Variants in CFAP221 observed in about 807,000 individuals in gnomAD.
The protein encoded by CFAP221 is cilia and flagella associated protein 221, also known as cilia- and flagella-associated protein 221.
CFAP221 carries 97 observed loss-of-function variants against 113.1 expected under a neutral mutation model. That is an observed-to-expected ratio of 0.86 (90% CI 0.73 to 1.02). The LOEUF is 1.02. Ranked by LOEUF, CFAP221 falls within the 50% of genes least tolerant of loss-of-function variation. The pLI is 0.00. For synonymous variants in CFAP221, 331 were observed against 354.4 expected, an observed-to-expected ratio of 0.93 and a Z score of 0.74; for missense variants, 1,025 against 1,013.4, an observed-to-expected ratio of 1.01 and a Z score of -0.16.
chr2:119,656,862 T>C (rs1013675095), downstream of CFAP221, among the ~76,000 whole-genome samples: 1 of 152,054 alleles, frequency 6.6e-6, no homozygotes, highest in East Asian at 1.9e-4. Flanking sequence ...CATCACTAGA[T>C]TTGGCTTTGG....
In CFAP221 at chr2:119,644,819, A is replaced by G. The variant is rs1254121657; in HGVS notation, c.2226-2139A>G. On this transcript the variant is annotated intron_variant, in intron 21 of 23. Coordinates refer to ENST00000413369, the MANE Select transcript of CFAP221 (RefSeq NM_001271049.2). Reference sequence around the variant, plus strand: ...AGTTCCAGTCCATATCCATAGAGTTATTGCTTGCTTTCCACCATTCCATAT... The same window carrying G: ...AGTTCCAGTCCATATCCATAGAGTTGTTGCTTGCTTTCCACCATTCCATAT... Among the ~76,000 whole-genome samples the G allele has an allele frequency of 3.3e-5, 5 of 152,296 alleles. No homozygotes were observed. The East Asian group carries it at 9.7e-4, about 29-fold the overall frequency.
At chr2:119,639,897 C>A in intron 21 of CFAP221, 25 bp downstream of exon 21, 1 of 1,588,732 alleles carries the variant, frequency 6.3e-7, no homozygotes, top group South Asian at 1.1e-5. Flanking sequence ...TCTGTTTGCT[C>A]ACGAGTATGT....
In CFAP221 at chr2:119,629,987, G is replaced by A. The variant is rs753379509; in HGVS notation, c.1731+32G>A. On this transcript the variant is annotated intron_variant, in intron 17 of 23. Transcript: ENST00000413369. ...CCTGTCACATAAATTAATTAATTGA[G>A]TTTCTTATTAAGTAAACAAAATATT... is the stretch of plus-strand genomic sequence containing the variant. The A allele has an allele frequency of 3.3e-6, 5 of 1,525,750 alleles. No homozygotes were observed. In the East Asian group the frequency reaches 6.8e-5, roughly 21 times the overall value. 94.5% of individuals were successfully genotyped at this position (1,525,750 alleles called of 1,614,324 possible).
At chr2:119,594,873 G>A (rs1329037660) in intron 7 of CFAP221, among the ~76,000 whole-genome samples, 1 of 152,220 alleles carries the variant, frequency 6.6e-6, no homozygotes, top group Non-Finnish European at 1.5e-5. Flanking sequence ...TGTTATGTAG[G>A]TTGCATGAGG....
chr2:119,561,230 C>T (rs1190568258), intron 5 of CFAP221, among the ~76,000 whole-genome samples: 4 of 151,882 alleles, frequency 2.6e-5, no homozygotes, highest in Non-Finnish European at 4.4e-5. Flanking sequence ...GTGGAGGTTG[C>T]GGTGAGCCAA....
In CFAP221 at chr2:119,572,578, G is replaced by GA. The variant is rs1345195678; in HGVS notation, c.527+10467dup. ...TCTTCCTGGTACCAGATAACTAGTTGAAACTTGGAGCAGGTCCAGTTGGTT... is the reference window on the plus strand; with the variant it reads ...TCTTCCTGGTACCAGATAACTAGTTGAAAACTTGGAGCAGGTCCAGTTGGTT... On this transcript the variant is annotated intron_variant, in intron 6 of 23. Coordinates refer to ENST00000413369, the MANE Select transcript of CFAP221 (RefSeq NM_001271049.2). 1.6e-5 allele frequency: 11 copies of GA among 701,008 alleles called. No individual in the cohort carries two copies. The Admixed American group carries it at 2.0e-4, about 13-fold the overall frequency. 43.4% of individuals were successfully genotyped at this position (701,008 alleles called of 1,614,324 possible).
intron 15 of CFAP221, 161 bp downstream of exon 15, chr2:119,625,849 T>C (rs1686272707): frequency 4.9e-6 from 3 of 607,096 alleles, no homozygotes; most frequent in Non-Finnish European, 8.7e-6. Context: ...TGCCTTCTGC[T>C]TCCTCTTGTC....
At chr2:119,627,265 C>T (rs1686377093) in intron 15 of CFAP221, among the ~76,000 whole-genome samples, 1 of 151,826 alleles carries the variant, frequency 6.6e-6, no homozygotes, top group African/African-American at 2.4e-5. Flanking sequence ...TTCTTTCTTC[C>T]TCCTATATTA....
At chr2:119,641,546 G>A (rs928459381) in intron 21 of CFAP221, among the ~76,000 whole-genome samples, 27 of 152,178 alleles carry the variant, frequency 1.8e-4, no homozygotes, top group Admixed American at 1.2e-3. Context: ...GGCGAGCTAC[G>A]TACTAATGAA....
At chr2:119,553,715 G>A (rs1021759080) in intron 3 of CFAP221, among the ~76,000 whole-genome samples, 3 of 152,114 alleles carry the variant, frequency 2.0e-5, no homozygotes, top group Non-Finnish European at 4.4e-5. Context: ...CTGAGAATTC[G>A]TGGGGAGCAA....
At chr2:119,557,313 C>T (rs1046085466) in intron 3 of CFAP221, 3 of 152,204 alleles carry the variant, frequency 2.0e-5, no homozygotes, top group African/African-American at 7.2e-5. Context: ...CACATATGAA[C>T]ACTTACTAGC....
chr2:119,602,306 C>T (rs1430093069), intron 8 of CFAP221, among the ~76,000 whole-genome samples: 2 of 152,100 alleles, frequency 1.3e-5, no homozygotes, highest in African/African-American at 2.4e-5. Flanking sequence ...ACCTGGGAGG[C>T]AGAGGTTGCA....
chr2:119,590,982 A>G (rs1683556183), intron 7 of CFAP221, among the ~76,000 whole-genome samples: 1 of 152,224 alleles, frequency 6.6e-6, no homozygotes, highest in Non-Finnish European at 1.5e-5. Flanking sequence ...TAAGACCATG[A>G]TGAACAGCCT....
Position 119,644,530 on chromosome 2 carries a change from A to G in CFAP221, c.2226-2428A>G, listed in dbSNP as rs557364837. ...TCAGTTACTAACAAGGATAAGCTCT[A>G]TGTCTCCGGGCCCAGGTTTGTTTTG... On this transcript the variant is annotated intron_variant, in intron 21 of 23. Coordinates refer to ENST00000413369, the MANE Select transcript of CFAP221 (RefSeq NM_001271049.2). 2.0e-5 allele frequency among the ~76,000 whole-genome samples: 3 copies of G among 152,242 alleles called. No homozygotes were observed. In the South Asian group the frequency reaches 6.2e-4, roughly 32 times the overall value.
At chr2:119,567,033 C>T (rs1444661330) in intron 6 of CFAP221, among the ~76,000 whole-genome samples, 2 of 152,072 alleles carry the variant, frequency 1.3e-5, no homozygotes, top group Non-Finnish European at 2.9e-5. Flanking sequence ...CAGAGATTTC[C>T]CATATCTCCC....
intron 22 of CFAP221, among the ~76,000 whole-genome samples, chr2:119,649,166 T>C (rs1687980421): frequency 6.6e-6 from 1 of 152,228 alleles, no homozygotes; most frequent in African/African-American, 2.4e-5. Context: ...ATTTAACTCC[T>C]GTCACTTATC....
At chr2:119,561,237 C>A (rs1464781803) in intron 5 of CFAP221, among the ~76,000 whole-genome samples, 1 of 151,944 alleles carries the variant, frequency 6.6e-6, no homozygotes, top group Non-Finnish European at 1.5e-5. Context: ...TTGCGGTGAG[C>A]CAAGGTTGCA....
chr2:119,611,312 A>G (rs1685143800), intron 12 of CFAP221, among the ~76,000 whole-genome samples: 1 of 150,658 alleles, frequency 6.6e-6, no homozygotes, highest in Non-Finnish European at 1.5e-5. Context: ...GAAGGTATCT[A>G]CTTGGGAGGC....
chr2:119,649,175 T>C (rs536594549), intron 22 of CFAP221, among the ~76,000 whole-genome samples: 2 of 152,338 alleles, frequency 1.3e-5, no homozygotes, highest in Admixed American at 1.3e-4. Flanking sequence ...CTGTCACTTA[T>C]CAAAATATTA....
Sources: gnomAD v4.1 joint callset for allele counts (sites outside exome capture counted in the v4.1 genomes callset) on GRCh38, gnomAD v4.1.1 for gene constraint, MANE v1.5 for transcripts, NCBI Gene and HGNC (gene_info 2026-07-23, HGNC 2026-07-21) for gene names.